TAFA1: variants seen among roughly 807,000 people sequenced by gnomAD.
TAFA1 encodes the protein TAFA chemokine like family member 1.
TAFA1 carries 4 observed loss-of-function variants against 18.5 expected under a neutral mutation model. That is an observed-to-expected ratio of 0.22 (90% CI 0.11 to 0.49). The LOEUF is 0.49. Among genes scored for constraint, TAFA1 ranks in the 20% least tolerant of loss-of-function variants. The pLI, the probability that TAFA1 is intolerant of heterozygous loss-of-function variation, is 0.98. For missense variants in TAFA1, 147 were observed against 169.0 expected, an observed-to-expected ratio of 0.87 and a Z score of 0.72; for synonymous variants, 56 against 55.2, an observed-to-expected ratio of 1.01 and a Z score of -0.06.
chr3:68,473,070 G>A (rs890651623), intron 3 of TAFA1, among the ~76,000 whole-genome samples: 1 of 152,176 alleles, frequency 6.6e-6, no homozygotes, highest in Non-Finnish European at 1.5e-5. Context: ...CTGCTTTCAA[G>A]ATCAAAGTGA....
chr3:68,021,043 G>A (rs1042066855), intron 2 of TAFA1, among the ~76,000 whole-genome samples: 2 of 151,566 alleles, frequency 1.3e-5, no homozygotes, highest in African/African-American at 4.8e-5. Flanking sequence ...AAAATCAGCT[G>A]GACATGGTGG....
At chr3:68,517,559 AC>A (rs2072941931) in intron 3 of TAFA1, among the ~76,000 whole-genome samples, 1 of 152,160 alleles carries the variant, frequency 6.6e-6, no homozygotes, top group Non-Finnish European at 1.5e-5. Context: ...CAAATGCTGA[AC>A]AAGCCTCCTC....
the TAFA1 span, among the ~76,000 whole-genome samples, chr3:67,991,746 T>A: frequency 6.6e-6 from 1 of 152,294 alleles, no homozygotes; most frequent in African/African-American, 2.4e-5. Flanking sequence ...GCTACTGGCA[T>A]CCCAGGATCT....
intron 2 of TAFA1, among the ~76,000 whole-genome samples, chr3:68,218,153 G>A (rs2066682598): frequency 6.6e-6 from 1 of 152,046 alleles, no homozygotes; most frequent in Non-Finnish European, 1.5e-5. Flanking sequence ...GAAAATTCCA[G>A]CCTCTCAGGT....
In TAFA1 at chr3:68,343,408, G is replaced by A. The variant is rs1431597191; in HGVS notation, c.119-73872G>A. On this transcript the variant is annotated intron_variant, in intron 2 of 4. Coordinates refer to ENST00000478136, the MANE Select transcript of TAFA1 (RefSeq NM_213609.4). The stretch of plus-strand genomic sequence containing the variant: ...TGTACACTAAAGTTTGAGACATACT[G>A]GTCTCTGTGCTTTGAAATTTCACTA... 5.3e-5 allele frequency among the ~76,000 whole-genome samples: 8 copies of A among 152,112 alleles called. No individual in the cohort carries two copies. The East Asian group carries it at 1.4e-3, about 26-fold the overall frequency.
chr3:68,287,914 T>TGGG (rs71112629), intron 2 of TAFA1, among the ~76,000 whole-genome samples: 2 of 53,288 alleles, frequency 3.8e-5, no homozygotes, highest in South Asian at 9.7e-4. Context: ...TGTTGGGGGG[T>TGGG]GGGGGGGCTT....
chr3:68,512,680 T>TTTTGTTTG (rs60422556), intron 3 of TAFA1, among the ~76,000 whole-genome samples: 23 of 150,910 alleles, frequency 1.5e-4, no homozygotes, highest in African/African-American at 2.4e-4. Flanking sequence ...TTTGCTGGTT[T>TTTTGTTTG]TTTGTTTGTT....
rs542416805 is a variant in TAFA1, at chr3:68,102,001, C to A, written c.118+95257C>A. ...TCTTCAAGGTGCGGTAGGGTCAGAC[C>A]AATTTTTTAATCAAGTGTCTTGTCA... On this transcript the variant is annotated intron_variant, in intron 2 of 4. Transcript: ENST00000478136. Among the ~76,000 whole-genome samples the A allele has an allele frequency of 7.9e-5, 12 of 152,134 alleles. No homozygotes were observed. The South Asian group carries it at 2.3e-3, about 29-fold the overall frequency.
chr3:68,464,209 A>C (rs2071839058), intron 3 of TAFA1, among the ~76,000 whole-genome samples: 1 of 152,226 alleles, frequency 6.6e-6, no homozygotes, highest in Non-Finnish European at 1.5e-5. Flanking sequence ...GTAGACAAAG[A>C]AAACAGACAA....
chr3:68,291,551 T>C (rs551134435), intron 2 of TAFA1, among the ~76,000 whole-genome samples: 1 of 152,248 alleles, frequency 6.6e-6, no homozygotes, highest in Admixed American at 6.5e-5. Flanking sequence ...CCAGAACTTA[T>C]ACTCTTAACT....
intron 2 of TAFA1, among the ~76,000 whole-genome samples, chr3:68,135,540 C>T (rs186096705): frequency 6.6e-6 from 1 of 152,350 alleles, no homozygotes; most frequent in Admixed American, 6.5e-5. Context: ...TGGCAAGTTG[C>T]ATAGCAGCTC....
chr3:68,350,739 T>G (rs12489206), intron 2 of TAFA1, among the ~76,000 whole-genome samples: 53,551 of 151,906 alleles, frequency 0.35, 11,007 homozygotes, highest in Non-Finnish European at 0.45. Context: ...TAAGCATTGA[T>G]GAAGAGGTTG....
At chr3:68,081,456 G>T (rs1400583298) in intron 2 of TAFA1, among the ~76,000 whole-genome samples, 3 of 151,602 alleles carry the variant, frequency 2.0e-5, no homozygotes, top group Admixed American at 6.6e-5. Flanking sequence ...ATCTAGTTTT[G>T]GTCTTTGATG....
At chr3:68,100,416 G>C (rs958728462) in intron 2 of TAFA1, among the ~76,000 whole-genome samples, 1 of 152,132 alleles carries the variant, frequency 6.6e-6, no homozygotes, top group African/African-American at 2.4e-5. Context: ...CTTGAGAGGT[G>C]GAGGTTGCAA....
At chr3:68,499,028 C>T (rs1043760967) in intron 3 of TAFA1, among the ~76,000 whole-genome samples, 1 of 151,882 alleles carries the variant, frequency 6.6e-6, no homozygotes, top group Non-Finnish European at 1.5e-5. Context: ...TCCCTTTATC[C>T]TGGTAGAAAC....
intron 2 of TAFA1, among the ~76,000 whole-genome samples, chr3:68,167,029 C>T (rs2065990445): frequency 6.6e-6 from 1 of 152,150 alleles, no homozygotes; most frequent in Admixed American, 6.5e-5. Context: ...GTTTTGCAAA[C>T]GCTGCCTCTT....
intron 2 of TAFA1, among the ~76,000 whole-genome samples, chr3:68,365,730 C>T (rs2069554890): frequency 6.6e-6 from 1 of 152,062 alleles, no homozygotes; most frequent in Non-Finnish European, 1.5e-5. Context: ...AGGTGAAAGG[C>T]ACATAATACA....
intron 3 of TAFA1, among the ~76,000 whole-genome samples, chr3:68,418,197 C>T (rs1575849403): frequency 6.6e-6 from 1 of 152,156 alleles, no homozygotes; most frequent in East Asian, 1.9e-4. Flanking sequence ...AGCAATAAAG[C>T]TTTTAATCAC....
intron 3 of TAFA1, among the ~76,000 whole-genome samples, chr3:68,497,017 C>A (rs761605728): frequency 6.6e-6 from 1 of 152,022 alleles, no homozygotes; most frequent in Non-Finnish European, 1.5e-5. Flanking sequence ...CATGAAAAAG[C>A]CCAGTGGAAA....
Sources: gnomAD v4.1 joint callset for allele counts (sites outside exome capture counted in the v4.1 genomes callset) on GRCh38, gnomAD v4.1.1 for gene constraint, MANE v1.5 for transcripts, NCBI Gene and HGNC (gene_info 2026-07-23, HGNC 2026-07-21) for gene names.